ITGBL1: variants seen among roughly 807,000 people sequenced by gnomAD.
The protein encoded by ITGBL1 is integrin subunit beta like 1, also known as integrin beta-like protein 1.
Under a neutral mutation model 68.5 loss-of-function variants are expected in ITGBL1, and 51 were observed. The ratio of observed to expected loss-of-function variants is 0.74; its 90% confidence interval spans 0.59 to 0.94. The LOEUF is 0.94. Ranked by LOEUF, ITGBL1 falls within the 40% of genes least tolerant of loss-of-function variation. The pLI is 0.00. For missense variants in ITGBL1, 649 were observed against 647.4 expected (o/e 1.00, Z -0.03); for synonymous variants, 209 against 227.3 (o/e 0.92, Z 0.72).
chr13:101,646,714 C>A (rs2032570224), intron 7 of ITGBL1, among the ~76,000 whole-genome samples: 1 of 151,818 alleles, frequency 6.6e-6, no homozygotes. Flanking sequence ...AGAAAGCAAC[C>A]TAAAAATCTA....
intron 7 of ITGBL1, among the ~76,000 whole-genome samples, chr13:101,689,927 A>G (rs1292186570): frequency 6.6e-6 from 1 of 152,158 alleles, no homozygotes; most frequent in East Asian, 1.9e-4. Flanking sequence ...TAGTCATCCT[A>G]TTGTGCTACC....
intron 2 of ITGBL1, among the ~76,000 whole-genome samples, chr13:101,511,427 A>G (rs541076200): frequency 6.6e-6 from 1 of 152,134 alleles, no homozygotes; most frequent in Admixed American, 6.6e-5. Flanking sequence ...CAATATGACA[A>G]AAGTGATAGA....
chr13:101,637,235 A>G (rs771374542), intron 7 of ITGBL1, among the ~76,000 whole-genome samples: 1 of 152,156 alleles, frequency 6.6e-6, no homozygotes, highest in Non-Finnish European at 1.5e-5. Flanking sequence ...TGTTTGTTAT[A>G]TACCCAAAGA....
chr13:101,664,979 C>A (rs2139486761), intron 7 of ITGBL1, among the ~76,000 whole-genome samples: 1 of 152,334 alleles, frequency 6.6e-6, no homozygotes, highest in Non-Finnish European at 1.5e-5. Context: ...GGTGATCTGC[C>A]TGCCTTGGCC....
intron 7 of ITGBL1, among the ~76,000 whole-genome samples, chr13:101,662,311 A>G (rs2033108830): frequency 6.6e-6 from 1 of 152,148 alleles, no homozygotes; most frequent in Non-Finnish European, 1.5e-5. Flanking sequence ...CTTTGTTTTT[A>G]TTCTTCCATA....
chr13:101,524,313 A>T (rs1286854060), intron 2 of ITGBL1, among the ~76,000 whole-genome samples: 2 of 151,884 alleles, frequency 1.3e-5, no homozygotes, highest in Admixed American at 1.3e-4. Flanking sequence ...CTCATGTTGC[A>T]CTTCTCCTAA....
intron 2 of ITGBL1, among the ~76,000 whole-genome samples, chr13:101,563,115 TATAAC>T (rs936973460): frequency 2.4e-4 from 36 of 151,076 alleles, no homozygotes; most frequent in Non-Finnish European, 7.4e-5. Flanking sequence ...GAAAATAAAA[TATAAC>T]ATATCAAAAA....
intron 2 of ITGBL1, among the ~76,000 whole-genome samples, chr13:101,456,155 T>C (rs370802983): frequency 5.3e-5 from 8 of 152,350 alleles, no homozygotes; most frequent in Admixed American, 3.9e-4. Flanking sequence ...TGGTTTTGTT[T>C]GGTTATGCAT....
chr13:101,664,878 C>A (rs1331202946), intron 7 of ITGBL1, among the ~76,000 whole-genome samples: 1 of 152,174 alleles, frequency 6.6e-6, no homozygotes, highest in African/African-American at 2.4e-5. Context: ...GGATTACAGG[C>A]ACCCACCACC....
chr13:101,645,360 G>GC (rs1566773083), intron 7 of ITGBL1, among the ~76,000 whole-genome samples: 1 of 152,132 alleles, frequency 6.6e-6, no homozygotes, highest in East Asian at 1.9e-4. Context: ...CTTTTCAGGA[G>GC]CCCACTCAGT....
At chr13:101,500,471 C>T (rs1398405197) in intron 2 of ITGBL1, among the ~76,000 whole-genome samples, 2 of 152,164 alleles carry the variant, frequency 1.3e-5, no homozygotes, top group Non-Finnish European at 2.9e-5. Flanking sequence ...GCGAAATGTT[C>T]TTTCTGAATA....
rs568890195 is a variant in ITGBL1 at position 101,682,146 on chromosome 13, C to T, written c.1016-10439C>T. The stretch of plus-strand genomic sequence containing the variant: ...TGACCTTTCCATTTCTTCTCTTACC[C>T]TCTGATTATTTCTACTGTAACTACA... On this transcript the variant is annotated intron_variant, in intron 7 of 10. Transcript: ENST00000376180. 2.0e-5 allele frequency among the ~76,000 whole-genome samples: 3 copies of T among 152,226 alleles called. No homozygotes were observed. In the East Asian group the frequency reaches 5.8e-4, roughly 29 times the overall value.
At chr13:101,671,437 G>GT (rs1491455482) in intron 7 of ITGBL1, among the ~76,000 whole-genome samples, 22,236 of 102,094 alleles carry the variant, frequency 0.22, 4,481 homozygotes, top group Admixed American at 0.3. Context: ...TTTTTTTTTT[G>GT]TTTTTTTTTG....
intron 7 of ITGBL1, among the ~76,000 whole-genome samples, chr13:101,604,948 G>A (rs553457274): frequency 3.3e-4 from 2 of 6,076 alleles, no homozygotes; most frequent in Admixed American, 2.6e-3. Flanking sequence ...GTATATATGT[G>A]TACATGTGTA....
intron 3 of ITGBL1, among the ~76,000 whole-genome samples, chr13:101,569,617 T>C (rs1436360078): frequency 6.6e-6 from 1 of 152,172 alleles, no homozygotes; most frequent in Non-Finnish European, 1.5e-5. Flanking sequence ...ATCTGGGTCA[T>C]TTCCACAGAC....
chr13:101,607,120 G>C (rs1396410178), intron 7 of ITGBL1, among the ~76,000 whole-genome samples: 1 of 151,910 alleles, frequency 6.6e-6, no homozygotes, highest in Non-Finnish European at 1.5e-5. Context: ...TCTGTCAACA[G>C]CATTTATGTG....
chr13:101,700,585 T>G (rs2034113654), intron 8 of ITGBL1, among the ~76,000 whole-genome samples: 1 of 152,046 alleles, frequency 6.6e-6, no homozygotes, highest in South Asian at 2.1e-4. Context: ...CTTAATATCC[T>G]TCTGTCATTT....
intron 8 of ITGBL1, among the ~76,000 whole-genome samples, chr13:101,701,965 C>T (rs191183865): frequency 1.3e-5 from 2 of 152,194 alleles, no homozygotes; most frequent in African/African-American, 4.8e-5. Context: ...CTGAACCATA[C>T]ACTTAAAATG....
chr13:101,571,824 A>G lies in ITGBL1; in HGVS notation c.464-3600A>G, dbSNP rs140234012. 1.8e-3 allele frequency among the ~76,000 whole-genome samples: 275 copies of G among 152,288 alleles called. 2 individuals are homozygous for G. The highest frequency in any genetic ancestry group is 6.4e-3 in the African/African-American group (267 of 41,566). On this transcript the variant is annotated intron_variant, in intron 3 of 10. Transcript: ENST00000376180. ...CCTGGAATTCACTCCAAATCAGTTC[A>G]TAGAAATCCTTCTCTTTATTTTTTC...
Sources: gnomAD v4.1 joint callset for allele counts (sites outside exome capture counted in the v4.1 genomes callset) on GRCh38, gnomAD v4.1.1 for gene constraint, MANE v1.5 for transcripts, NCBI Gene and HGNC (gene_info 2026-07-23, HGNC 2026-07-21) for gene names.